The following BCAS3 variants were observed in gnomAD, a reference collection of about 807,000 sequenced individuals.
The protein encoded by BCAS3 is BCAS4/BCAS3 fusion.
BCAS3 carries 53 observed loss-of-function variants against 116.1 expected under a neutral mutation model. That is an observed-to-expected ratio of 0.46 (90% CI 0.37 to 0.57). BCAS3 has a LOEUF of 0.57. BCAS3 is among the 20% of genes least tolerant of loss of function. BCAS3 has a pLI of 0.00. For missense variants in BCAS3, 917 were observed against 1,165.4 expected (o/e 0.79, Z 3.10); for synonymous variants, 391 against 408.2 (o/e 0.96, Z 0.51).
In BCAS3 at chr17:61,131,493, G is replaced by T. The variant is rs1342895075; in HGVS notation, c.2425+46929G>T. Among the ~76,000 whole-genome samples the T allele has an allele frequency of 1.3e-5, 2 of 152,172 alleles. No individual in the cohort carries two copies. The highest frequency in any genetic ancestry group is 3.8e-4 in the East Asian group (2 of 5,198). ...ATAATATATTTTATACGCTTAAAAT[G>T]AAATTATATTCCAAACTCATAATTA... On this transcript the variant is annotated intron_variant, in intron 22 of 23. Coordinates refer to ENST00000407086, the MANE Select transcript of BCAS3 (RefSeq NM_017679.5). The surrounding 1 kb of genome is among the most constrained non-coding windows in gnomAD (Gnocchi z 4.4).
At chr17:61,116,126 G>A (rs2075425879) in intron 22 of BCAS3, among the ~76,000 whole-genome samples, 1 of 151,282 alleles carries the variant, frequency 6.6e-6, no homozygotes, top group Non-Finnish European at 1.5e-5. Flanking sequence ...AGCATTGGGA[G>A]ATATACCTAA....
At chr17:61,264,877 A>T (rs2049539875) in intron 22 of BCAS3, among the ~76,000 whole-genome samples, 2 of 152,312 alleles carry the variant, frequency 1.3e-5, no homozygotes, top group African/African-American at 4.8e-5. Context: ...CTAAAATCTG[A>T]GCCAAAAAGA....
intron 9 of BCAS3, 49 bp from the exon 10 acceptor site, chr17:60,889,645 CA>C: frequency 1.4e-6 from 2 of 1,479,742 alleles, no homozygotes; most frequent in African/African-American, 2.8e-5. Context: ...GATGCACCAA[CA>C]GAAAAGTTAT....
intron 14 of BCAS3, among the ~76,000 whole-genome samples, chr17:60,955,637 G>A (rs936937746): frequency 6.6e-6 from 1 of 152,036 alleles, no homozygotes; most frequent in African/African-American, 2.4e-5. Context: ...GCCCTCCTTG[G>A]CCTCCCACAG....
At chr17:61,322,453 C>T (rs948129849) in intron 22 of BCAS3, among the ~76,000 whole-genome samples, 3 of 152,200 alleles carry the variant, frequency 2.0e-5, no homozygotes, top group African/African-American at 7.2e-5. Flanking sequence ...TACACCCATC[C>T]CTCCAAGCCT....
At chr17:60,785,768 A>G (rs573229510) in intron 6 of BCAS3, among the ~76,000 whole-genome samples, 19 of 152,342 alleles carry the variant, frequency 1.2e-4, no homozygotes, top group African/African-American at 4.6e-4. Flanking sequence ...TCTCTGCTGT[A>G]TTTAACAGCA....
At chr17:60,811,082 T>C (rs747067088) in intron 7 of BCAS3, 6 of 632,300 alleles carry the variant, frequency 9.5e-6, no homozygotes, top group Admixed American at 2.1e-5. Context: ...GTCCAGTTCT[T>C]GGATATTGAC....
intron 22 of BCAS3, among the ~76,000 whole-genome samples, chr17:61,351,361 A>T (rs2057834156): frequency 6.6e-6 from 1 of 152,216 alleles, no homozygotes; most frequent in African/African-American, 2.4e-5. Context: ...ATCTCAAAGT[A>T]CCTGGTGTAA....
chr17:61,246,702 T>C lies in BCAS3; in HGVS notation c.2426-121625T>C, dbSNP rs570260844. Among the ~76,000 whole-genome samples, 72 of 152,156 alleles carry C rather than the reference T, an allele frequency of 4.7e-4. 2 individuals carry two copies. In the South Asian group the frequency reaches 0.015, roughly 32 times the overall value. On this transcript the variant is annotated intron_variant, in intron 22 of 23. Coordinates refer to ENST00000407086, the MANE Select transcript of BCAS3 (RefSeq NM_017679.5). ...GAGAATTTCCTTTTCTTTATTAAAA[T>C]GCAAGTCATGCTTTTGTTTTAATAC...
At chr17:60,939,202 G>A (rs1488267390) in intron 13 of BCAS3, among the ~76,000 whole-genome samples, 2 of 152,096 alleles carry the variant, frequency 1.3e-5, no homozygotes, top group African/African-American at 2.4e-5. Context: ...AGGCCGAGGT[G>A]GGTAGATCAC....
intron 22 of BCAS3, among the ~76,000 whole-genome samples, chr17:61,242,225 A>G (rs959478782): frequency 1.1e-4 from 17 of 150,330 alleles, no homozygotes; most frequent in Non-Finnish European, 2.5e-4. Context: ...GCAGTGAGCC[A>G]GGATTGCACC....
In BCAS3 at chr17:61,084,365, A is replaced by C; in HGVS notation, c.2328-102A>C. 1.2e-6 allele frequency: 1 copy of C among 856,776 alleles called. No homozygotes were observed. Among genetic ancestry groups the C allele is most frequent in the Non-Finnish European group, 1.8e-6 (1 of 557,256 alleles). 53.1% of individuals were successfully genotyped at this position (856,776 alleles called of 1,614,324 possible). On this transcript the variant is annotated intron_variant, in intron 21 of 23. Coordinates refer to ENST00000407086, the MANE Select transcript of BCAS3 (RefSeq NM_017679.5). The surrounding 1 kb of genome is among the most constrained non-coding windows in gnomAD (Gnocchi z 5.5). ...CTTGTTTTAGAATGGATGGTTCTTT[A>C]ATGGATTGTGCTACTCCAGCATTCC... is the stretch of plus-strand genomic sequence containing the variant.
chr17:60,888,821 TCTC>T (rs1409669835), intron 9 of BCAS3, among the ~76,000 whole-genome samples: 1 of 149,702 alleles, frequency 6.7e-6, no homozygotes, highest in Non-Finnish European at 1.5e-5. Flanking sequence ...GTCTGTCTCT[TCTC>T]TATAAGTTTA....
chr17:60,863,959 A>G (rs528009250), intron 7 of BCAS3, among the ~76,000 whole-genome samples: 4 of 152,206 alleles, frequency 2.6e-5, no homozygotes, highest in Non-Finnish European at 5.9e-5. Flanking sequence ...GCGTCATGAA[A>G]CCAACACATC....
intron 13 of BCAS3, among the ~76,000 whole-genome samples, chr17:60,932,916 A>C (rs376244101): frequency 6.6e-6 from 1 of 151,268 alleles, no homozygotes; most frequent in Non-Finnish European, 1.5e-5. Context: ...GGCTCATCCC[A>C]GTAATCCCAA....
At chr17:61,311,557 T>C (rs2054306796) in intron 22 of BCAS3, among the ~76,000 whole-genome samples, 1 of 152,194 alleles carries the variant, frequency 6.6e-6, no homozygotes, top group Non-Finnish European at 1.5e-5. Context: ...CTAGGCTGCT[T>C]GAAGAACTTG....
chr17:60,863,519 G>A (rs188737806), intron 7 of BCAS3, among the ~76,000 whole-genome samples: 2 of 152,022 alleles, frequency 1.3e-5, no homozygotes, highest in East Asian at 1.9e-4. Flanking sequence ...AGGTAAGGTG[G>A]GGGGCTTGCT....
At position 61,136,904 on chromosome 17, in the gene BCAS3, C is replaced by T. The variant is rs1388509302; in HGVS notation, c.2425+52340C>T. Among the ~76,000 whole-genome samples, 1 of 152,158 alleles carries T rather than the reference C, an allele frequency of 6.6e-6. No homozygotes were observed. The highest frequency in any genetic ancestry group is 6.5e-5 in the Admixed American group (1 of 15,284). On this transcript the variant is annotated intron_variant, in intron 22 of 23. Transcript: ENST00000407086. The surrounding 1 kb of genome is among the most constrained non-coding windows in gnomAD (Gnocchi z 4.4). ...CACTACCCTGGAAACCAGCAGTAAC[C>T]AGACCCTGGTGGGTGCTGAGAAAAT...
chr17:61,271,435 T>TTTTTTTTTTTTTTTTTTTTC (rs2050251128), intron 22 of BCAS3, among the ~76,000 whole-genome samples: 1 of 130,110 alleles, frequency 7.7e-6, no homozygotes. Context: ...TTTTTTTTTT[T>TTTTTTTTTTTTTTTTTTTTC]TTGTCTTAGG....
Sources: allele counts gnomAD v4.1 joint callset (sites outside exome capture counted in the v4.1 genomes callset), GRCh38; gene constraint gnomAD v4.1.1; non-coding constraint Gnocchi (gnomAD v3.1); transcripts MANE v1.5; gene names NCBI Gene and HGNC (gene_info 2026-07-23, HGNC 2026-07-21).